The following SCEL variants were observed in gnomAD, a reference collection of about 807,000 sequenced individuals.
The protein encoded by SCEL is sciellin.
In SCEL, 113 loss-of-function variants were observed where a neutral mutation model predicts 117.6. The ratio of observed to expected loss-of-function variants is 0.96; its 90% CI spans 0.83 to 1.12. The LOEUF (loss-of-function observed/expected upper bound fraction) is 1.12. Among genes scored for constraint, SCEL ranks in the 50% most tolerant of loss-of-function variants. The pLI is 0.00. For synonymous variants in SCEL, 270 were observed against 256.2 expected (o/e 1.05, Z -0.51); for missense variants, 785 against 810.8 (o/e 0.97, Z 0.39).
In SCEL at chr13:77,628,009, G is replaced by A. The variant is rs886314592; in HGVS notation, c.1691G>A (p.Ser564Asn). Residue 564 changes from serine to asparagine, a missense_variant and splice_region_variant, in exon 28 of 33, where the codon AGC (serine) becomes AAC (asparagine). Coordinates refer to ENST00000349847, the MANE Select transcript of SCEL (RefSeq NM_144777.3). ...NSHVSENKNGSSNTGAKQAGP... is the reference protein window; with the variant it reads ...NSHVSENKNGNSNTGAKQAGP... ...CATGTGTCTGAAAACAAGAATGGAA[G>A]GTAAAGCTTATTATAATTCACTTTT... 4 of 1,467,192 alleles carry A rather than the reference G, an allele frequency of 2.7e-6. No homozygotes were observed. Among genetic ancestry groups the A allele is most frequent in the Non-Finnish European group, 2.8e-6 (3 of 1,083,598 alleles). 90.9% of individuals were successfully genotyped at this position (1,467,192 alleles called of 1,614,324 possible). A position where few individuals can be genotyped will look rare whatever the true frequency, so the allele number is the denominator to read the frequency against.
At chr13:77,589,108 C>G (rs41288252) in intron 9 of SCEL, 36 bp from the exon 10 acceptor site, 195,527 of 1,449,944 alleles carry the variant, frequency 0.13, 14,282 homozygotes, top group Non-Finnish European at 0.15. Flanking sequence ...TACCATGTTT[C>G]CATGGTGAAA....
chr13:77,625,411 G>A (rs972213387), intron 27 of SCEL, among the ~76,000 whole-genome samples: 1 of 152,152 alleles, frequency 6.6e-6, no homozygotes, highest in Admixed American at 6.5e-5. Flanking sequence ...TTTATGCTGG[G>A]AGATTATCGT....
chr13:77,620,674 G>A (rs760868405), intron 27 of SCEL, among the ~76,000 whole-genome samples: 1 of 151,994 alleles, frequency 6.6e-6, no homozygotes, highest in Non-Finnish European at 1.5e-5. Flanking sequence ...TTCAGTTATT[G>A]GTAGCCTATA....
At chr13:77,540,615 A>G (rs2154393599) in intron 1 of SCEL, among the ~76,000 whole-genome samples, 1 of 152,322 alleles carries the variant, frequency 6.6e-6, no homozygotes, top group South Asian at 2.1e-4. Flanking sequence ...AGAGTGTTTC[A>G]GGCATAGATA....
chr13:77,549,663 C>T (rs9565355), intron 1 of SCEL, among the ~76,000 whole-genome samples: 19,552 of 152,216 alleles, frequency 0.13, 1,575 homozygotes, highest in South Asian at 0.21. Flanking sequence ...ATATTATTTA[C>T]GTGGCTTCTG....
intron 9 of SCEL, among the ~76,000 whole-genome samples, chr13:77,577,887 C>T (rs1175813290): frequency 3.3e-5 from 5 of 152,172 alleles, no homozygotes; most frequent in Admixed American, 1.3e-4. Context: ...TCCTTTCTTC[C>T]ACCTTCACTC....
intron 22 of SCEL, among the ~76,000 whole-genome samples, chr13:77,611,228 C>G (rs1183479826): frequency 1.3e-5 from 2 of 152,138 alleles, no homozygotes; most frequent in African/African-American, 4.8e-5. Flanking sequence ...CCATAAGTAC[C>G]TTGTGAACAA....
chr13:77,574,874 TCTC>T (rs1188885086), intron 9 of SCEL, among the ~76,000 whole-genome samples: 4 of 152,170 alleles, frequency 2.6e-5, no homozygotes, highest in Non-Finnish European at 2.9e-5. Flanking sequence ...CCTTCTCTCC[TCTC>T]CTATCTTCTC....
At chr13:77,638,720 C>T (rs1413058504) in intron 30 of SCEL, among the ~76,000 whole-genome samples, 1 of 152,098 alleles carries the variant, frequency 6.6e-6, no homozygotes, top group Non-Finnish European at 1.5e-5. Flanking sequence ...TCCCATGTAA[C>T]CAGATAAAGT....
rs147411097 is a variant in SCEL at position 77,554,257 on chromosome 13, C to T, written c.-19-1600C>T. Among the ~76,000 whole-genome samples the T allele has an allele frequency of 2.4e-3, 359 of 152,208 alleles. 6 individuals carry two copies. Among genetic ancestry groups the T allele is most frequent in the Admixed American group, 0.019 (290 of 15,294 alleles). ...GGCAAGGGACTGACCTTTTTTATCC[C>T]GAGTCAGTCAGCAGGTTGTAGTGAG... On this transcript the variant is annotated intron_variant, in intron 1 of 32. Coordinates refer to ENST00000349847, the MANE Select transcript of SCEL (RefSeq NM_144777.3).
chr13:77,605,571 T>C (rs17775435), intron 19 of SCEL, among the ~76,000 whole-genome samples: 8,834 of 152,304 alleles, frequency 0.058, 390 homozygotes, highest in Admixed American at 0.11. Context: ...AAGATTCTCA[T>C]GCCGGGCACA....
intron 9 of SCEL, 22 bp downstream of exon 9, chr13:77,572,211 TA>T: frequency 9.6e-6 from 15 of 1,563,796 alleles, no homozygotes; most frequent in Non-Finnish European, 1.2e-5. Flanking sequence ...GTGTCAGGCG[TA>T]ATTGCTGTGC....
chr13:77,640,680 G>A lies in SCEL; in HGVS notation c.1843G>A (p.Val615Ile). ...TAATTGCTTACATTTCTATAGGTCT[G>A]TCATTGAAAGAGATATGTGCACTTA... ...QTVYSTSDRS[V>I]IERDMCTYCR... Residue 615 changes from valine (V) to isoleucine (I), a missense_variant, in exon 31 of 33, where the codon GTC becomes ATC. Transcript: ENST00000349847. 6.4e-7 allele frequency: 1 copy of A among 1,555,856 alleles called. No individual in the cohort carries two copies. The highest frequency in any genetic ancestry group is 1.2e-5 in the South Asian group (1 of 86,114).
chr13:77,605,977 G>A (rs1386734167), intron 19 of SCEL, among the ~76,000 whole-genome samples: 1 of 152,168 alleles, frequency 6.6e-6, no homozygotes, highest in Admixed American at 6.5e-5. Flanking sequence ...GACAGAGTGA[G>A]ACTCTGTCTG....
chr13:77,602,934 C>T (rs1594088918), intron 17 of SCEL, 142 bp from the exon 18 acceptor site: 1 of 632,402 alleles, frequency 1.6e-6, no homozygotes, highest in East Asian at 2.8e-5. Flanking sequence ...TATTGATTGG[C>T]AATTTTTATA....
intron 1 of SCEL, among the ~76,000 whole-genome samples, chr13:77,545,334 C>T (rs1248075917): frequency 1.3e-5 from 2 of 152,176 alleles, no homozygotes; most frequent in Non-Finnish European, 2.9e-5. Flanking sequence ...AGATTTGAAG[C>T]TCAGGATAAC....
At chr13:77,544,864 T>TA (rs2083907802) in intron 1 of SCEL, among the ~76,000 whole-genome samples, 1 of 152,204 alleles carries the variant, frequency 6.6e-6, no homozygotes, top group South Asian at 2.1e-4. Flanking sequence ...TGATTTCATG[T>TA]AAAACCTAAA....
intron 12 of SCEL, among the ~76,000 whole-genome samples, chr13:77,595,834 T>C (rs2087192644): frequency 6.6e-6 from 1 of 152,178 alleles, no homozygotes; most frequent in Non-Finnish European, 1.5e-5. Flanking sequence ...CTACCATTGA[T>C]ACCTAAAACT....
intron 29 of SCEL, among the ~76,000 whole-genome samples, chr13:77,636,433 G>T (rs953103525): frequency 8.5e-5 from 13 of 152,114 alleles, no homozygotes; most frequent in African/African-American, 3.1e-4. Flanking sequence ...GAGCCATGTG[G>T]TTATCAATCA....
Sources: allele counts gnomAD v4.1 joint callset (sites outside exome capture counted in the v4.1 genomes callset), GRCh38; gene constraint gnomAD v4.1.1; transcripts MANE v1.5; gene names NCBI Gene and HGNC (gene_info 2026-07-23, HGNC 2026-07-21).